Variants in CUBN observed in about 807,000 individuals in gnomAD.
CUBN encodes 460 kDa receptor.
In CUBN, 282 loss-of-function variants were observed where a neutral mutation model predicts 405.3. The ratio of observed to expected loss-of-function variants is 0.70; its 90% CI spans 0.63 to 0.77. The LOEUF is 0.77. Ranked by LOEUF, CUBN falls within the 30% of genes least tolerant of loss-of-function variation. The pLI is 0.00. For synonymous variants in CUBN, 1,684 were observed against 1,617.0 expected (o/e 1.04, Z -0.99); for missense variants, 4,514 against 4,475.2 (o/e 1.01, Z -0.25).
chr10:16,830,162 C>T (rs566809965), intron 65 of CUBN, among the ~76,000 whole-genome samples: 2 of 152,292 alleles, frequency 1.3e-5, no homozygotes, highest in East Asian at 3.9e-4. Context: ...TCTGGAACTC[C>T]TGACCTCAGG....
Position 16,940,057 on chromosome 10 carries a change from C to A in CUBN, c.5523G>T (p.Thr1841=), listed in dbSNP as rs767515084. The A allele has an allele frequency of 1.9e-6, 3 of 1,613,930 alleles. No individual in the cohort carries two copies. Among genetic ancestry groups the A allele is most frequent in the Non-Finnish European group, 2.5e-6 (3 of 1,179,860 alleles). ...RFISDGSGSG[T]GFQATFMKIF... The stretch of plus-strand genomic sequence containing the variant: ...TCTTCATAAATGTGGCCTGGAAGCC[C>A]GTGCCGCTGCCAGAACCATCTGAGA... Residue 1841 remains threonine (T), a synonymous_variant, in exon 37 of 67, where the codon ACG becomes ACT. Coordinates refer to ENST00000377833, the MANE Select transcript of CUBN (RefSeq NM_001081.4).
intron 59 of CUBN, among the ~76,000 whole-genome samples, chr10:16,853,957 A>G (rs915861230): frequency 3.3e-5 from 5 of 152,246 alleles, no homozygotes; most frequent in African/African-American, 1.2e-4. Flanking sequence ...TTAAGTAGAA[A>G]AAGATAAGTG....
intron 14 of CUBN, among the ~76,000 whole-genome samples, chr10:17,090,443 C>A (rs373362077): frequency 5.9e-5 from 9 of 151,374 alleles, no homozygotes; most frequent in African/African-American, 2.2e-4. Flanking sequence ...ATCTACCATG[C>A]CCATTGATTT....
Position 17,100,206 on chromosome 10 carries a change from C to G in CUBN, c.1564G>C (p.Glu522Gln). Reference sequence around the variant, plus strand: ...TCGTGTGGACAGTTGTCCATGGATTCTAACCGGAAAAAAGTGAAAGTGATA... The same window carrying G: ...TCGTGTGGACAGTTGTCCATGGATTGTAACCGGAAAAAAGTGAAAGTGATA... The part of the protein sequence containing the change: ...LRITFTFFRL[E>Q]SMDNCPHEFL... Residue 522 changes from glutamate to glutamine, a missense_variant, in exon 14 of 67, where the codon GAA becomes CAA. By Grantham distance (29) the Glu-to-Gln change is conservative. Around this residue, in one of 5 missense-constraint regions of CUBN, gnomAD observed 1,448 missense variants for 1,388.0 expected, o/e 1.04. Coordinates refer to ENST00000377833, the MANE Select transcript of CUBN (RefSeq NM_001081.4). The G allele has an allele frequency of 6.2e-7, 1 of 1,613,792 alleles. No individual in the cohort carries two copies. Among genetic ancestry groups the G allele is most frequent in the South Asian group, 1.1e-5 (1 of 91,064 alleles).
intron 27 of CUBN, among the ~76,000 whole-genome samples, chr10:17,021,703 A>T (rs1306644675): frequency 6.6e-6 from 1 of 152,216 alleles, no homozygotes. Context: ...GAGTGTGGAG[A>T]ACTTTACCAC....
chr10:16,974,703 C>A (rs538838095), intron 31 of CUBN, among the ~76,000 whole-genome samples: 1 of 152,128 alleles, frequency 6.6e-6, no homozygotes. Context: ...GAGGTTTGAA[C>A]TGCCTGGGTC....
At chr10:16,961,928 G>A (rs1002546175) in intron 31 of CUBN, among the ~76,000 whole-genome samples, 4 of 151,928 alleles carry the variant, frequency 2.6e-5, no homozygotes, top group Non-Finnish European at 4.4e-5. Context: ...TAGCCAGGAT[G>A]GTCTCCATCT....
intron 55 of CUBN, 70 bp downstream of exon 55, chr10:16,890,301 C>A: frequency 6.5e-7 from 1 of 1,550,170 alleles, no homozygotes. Context: ...CCAGGTTTAG[C>A]CAACCCTGCC....
At position 16,920,056 on chromosome 10, in the gene CUBN, G is replaced by A. The variant is rs544059289; in HGVS notation, c.6728C>T (p.Pro2243Leu). 4.4e-5 allele frequency: 71 copies of A among 1,614,014 alleles called. No individual in the cohort carries two copies. In the Middle Eastern group the frequency reaches 6.6e-4, roughly 15 times the overall value. ...TAAGATCCAAATGCAATCAGCGTGC[G>A]GGGGATAATTATGAGGGTGGTTGGG... Reference protein sequence around the residue: ...TSPNHPHNYPPHADCIWILAA... With the variant: ...TSPNHPHNYPLHADCIWILAA... Residue 2243 changes from proline (P) to leucine (L), a missense_variant, in exon 44 of 67, where the codon CCG (proline) becomes CTG (leucine). By Grantham distance (98) the Pro-to-Leu change is moderately conservative (BLOSUM62 -3). Around this residue, in one of 5 missense-constraint regions of CUBN, gnomAD observed 1,613 missense variants for 1,542.8 expected, o/e 1.05. Transcript: ENST00000377833.
At chr10:16,907,906 C>G (rs1841601624) in intron 48 of CUBN, among the ~76,000 whole-genome samples, 1 of 152,148 alleles carries the variant, frequency 6.6e-6, no homozygotes. Context: ...GCAGTAATGC[C>G]TTCCTGCCAT....
In CUBN at chr10:17,047,081, C is replaced by T. The variant is rs1032892860; in HGVS notation, c.3329+333G>A. On this transcript the variant is annotated intron_variant, in intron 23 of 66. Transcript: ENST00000377833. ...ACAGCAAACAGCCTAAAATTTACAT[C>T]GATTTTACATAATTAAAGTAGGTAT... Among the ~76,000 whole-genome samples the T allele has an allele frequency of 3.9e-5, 6 of 152,176 alleles. No homozygotes were observed. The East Asian group carries it at 9.7e-4, about 24-fold the overall frequency.
chr10:16,926,835 C>CTATT, intron 41 of CUBN, among the ~76,000 whole-genome samples: 1 of 151,394 alleles, frequency 6.6e-6, no homozygotes, highest in South Asian at 2.1e-4. Context: ...ATCTATCTAT[C>CTATT]TATCTATCTA....
intron 22 of CUBN, among the ~76,000 whole-genome samples, chr10:17,058,684 T>C (rs537179530): frequency 5.3e-5 from 8 of 152,216 alleles, no homozygotes; most frequent in South Asian, 2.1e-4. Context: ...CTGAACTCTA[T>C]AGATGTTTAC....
intron 60 of CUBN, among the ~76,000 whole-genome samples, chr10:16,846,571 G>A: frequency 6.6e-6 from 1 of 152,074 alleles, no homozygotes; most frequent in East Asian, 1.9e-4. Context: ...CAGCACTTTG[G>A]GAGGCCAAGG....
rs938802982 is a variant in CUBN, at chr10:16,824,305, G to T, written c.*670C>A. 6.6e-6 allele frequency: 1 copy of T among 152,200 alleles called. No individual in the cohort carries two copies. Among genetic ancestry groups the T allele is most frequent in the African/African-American group, 2.4e-5 (1 of 41,386 alleles). 9.4% of individuals were successfully genotyped at this position (152,200 alleles called of 1,614,324 possible). On this transcript the variant is annotated 3_prime_UTR_variant, in exon 67 of 67. Transcript: ENST00000377833. ...TAGGTTCAAGCAATCCTCCCATCAT[G>T]GCCTCCCAGCGTGCTGGGATTATGG...
rs1833358195 is a variant in CUBN at position 16,984,266 on chromosome 10, G to A, written c.4364C>T (p.Pro1455Leu). The change falls in exon 30 of 67, where the codon CCC becomes CTC. Residue 1455 changes from proline to leucine, a missense_variant. Pro to Leu is a moderately conservative substitution (Grantham distance 98). Around this residue, in one of 5 missense-constraint regions of CUBN, gnomAD observed 1,613 missense variants for 1,542.8 expected, o/e 1.05. Coordinates refer to ENST00000377833, the MANE Select transcript of CUBN (RefSeq NM_001081.4). ...GGCTATTCTGGGAGAGTGGAAATCG[G>A]GGCCTCCATAGATCTAACATGGGAT... ...NFDVLEIYGG[P>L]DFHSPRIAQL... The A allele has an allele frequency of 6.2e-7, 1 of 1,614,024 alleles. No individual in the cohort carries two copies. The highest frequency in any genetic ancestry group is 2.2e-5 in the East Asian group (1 of 44,872).
intron 27 of CUBN, among the ~76,000 whole-genome samples, chr10:17,028,343 A>T (rs1307078453): frequency 6.6e-6 from 1 of 152,024 alleles, no homozygotes; most frequent in Non-Finnish European, 1.5e-5. Context: ...ACGTGAAATC[A>T]TAGACCTTTG....
chr10:17,120,714 TG>T (rs1439179111), intron 6 of CUBN, among the ~76,000 whole-genome samples: 2 of 152,256 alleles, frequency 1.3e-5, no homozygotes, highest in African/African-American at 4.8e-5. Context: ...AAAGGGTTTT[TG>T]TTTTGTTTTT....
At chr10:17,115,118 C>G (rs1836861631) in intron 7 of CUBN, among the ~76,000 whole-genome samples, 1 of 151,976 alleles carries the variant, frequency 6.6e-6, no homozygotes, top group South Asian at 2.1e-4. Flanking sequence ...TTGGCATGCT[C>G]CTGTAATCCC....
Sources: gnomAD v4.1 joint callset for allele counts (sites outside exome capture counted in the v4.1 genomes callset) on GRCh38, gnomAD v4.1.1 for gene constraint, gnomAD v4.1.1 regional missense constraint, MANE v1.5 for transcripts, NCBI Gene and HGNC (gene_info 2026-07-23, HGNC 2026-07-21) for gene names.